DOCK4: variants seen among roughly 807,000 people sequenced by gnomAD.
DOCK4 encodes dedicator of cytokinesis 4, also known as dedicator of cytokinesis protein 4.
In DOCK4, 97 loss-of-function variants were observed where a neutral mutation model predicts 268.1. The ratio of observed to expected loss-of-function variants is 0.36; its 90% confidence interval spans 0.31 to 0.43. The LOEUF is 0.43. Among genes scored for constraint, DOCK4 ranks in the 20% least tolerant of loss-of-function variants. The probability of loss-of-function intolerance (pLI) is 1.00; values close to 1 mark genes in which losing one functional copy is unlikely to be tolerated. For synonymous variants in DOCK4, 954 were observed against 887.2 expected (o/e 1.08, Z -1.34); for missense variants, 2,145 against 2,455.7 (o/e 0.87, Z 2.67).
At chr7:112,204,846 C>T (rs1439966109) in intron 1 of DOCK4, among the ~76,000 whole-genome samples, 1 of 151,440 alleles carries the variant, frequency 6.6e-6, no homozygotes, top group Non-Finnish European at 1.5e-5. Context: ...GATATCTACA[C>T]ATCACCTAAA....
chr7:111,738,264 T>C (rs1795640492), intron 49 of DOCK4, among the ~76,000 whole-genome samples: 1 of 152,174 alleles, frequency 6.6e-6, no homozygotes, highest in Non-Finnish European at 1.5e-5. Context: ...CAAGCTCCCT[T>C]ACTCGCATGA....
chr7:111,986,321 C>A (rs1799051721), intron 6 of DOCK4, among the ~76,000 whole-genome samples: 1 of 152,200 alleles, frequency 6.6e-6, no homozygotes, highest in African/African-American at 2.4e-5. Flanking sequence ...AGAAATTCTG[C>A]AGCCTCAGAA....
At chr7:112,072,336 C>A (rs989090799) in intron 1 of DOCK4, among the ~76,000 whole-genome samples, 1 of 152,168 alleles carries the variant, frequency 6.6e-6, no homozygotes, top group Non-Finnish European at 1.5e-5. Context: ...TACTAAACTA[C>A]ACAAGACATT....
At chr7:112,084,551 T>C (rs1400702229) in intron 1 of DOCK4, among the ~76,000 whole-genome samples, 7 of 152,158 alleles carry the variant, frequency 4.6e-5, no homozygotes, top group African/African-American at 1.7e-4. Context: ...CCTCAGTTAA[T>C]ATACTTTCAT....
At chr7:111,762,762 C>CTTTTTTTTTTTTTTTGTTT (rs1797510109) in intron 39 of DOCK4, among the ~76,000 whole-genome samples, 1 of 63,068 alleles carries the variant, frequency 1.6e-5, no homozygotes, top group Non-Finnish European at 3.0e-5. Flanking sequence ...GTTTTGTTTT[C>CTTTTTTTTTTTTTTTGTTT]TTTTTTTTTT....
At chr7:112,203,221 T>G (rs1021175447) in intron 1 of DOCK4, among the ~76,000 whole-genome samples, 2 of 152,186 alleles carry the variant, frequency 1.3e-5, no homozygotes, top group Non-Finnish European at 2.9e-5. Flanking sequence ...AAGGTGAAAT[T>G]GCCTATCACT....
chr7:112,009,585 T>C (rs1041664256), intron 1 of DOCK4, among the ~76,000 whole-genome samples: 4 of 152,120 alleles, frequency 2.6e-5, no homozygotes, highest in Admixed American at 6.5e-5. Flanking sequence ...AAGGAATTCT[T>C]AGACCTCTGA....
At chr7:112,130,579 T>C (rs375712762) in intron 1 of DOCK4, among the ~76,000 whole-genome samples, 123 of 152,266 alleles carry the variant, frequency 8.1e-4, no homozygotes, top group African/African-American at 2.8e-3. Context: ...ATGATGGATA[T>C]CAAAATCACT....
chr7:111,997,398 A>T (rs1239380413), intron 4 of DOCK4, among the ~76,000 whole-genome samples: 1 of 152,210 alleles, frequency 6.6e-6, no homozygotes, highest in Non-Finnish European at 1.5e-5. Context: ...AGCAGCTCAC[A>T]TATATAAGAC....
At chr7:112,168,902 T>TA (rs772773700) in intron 1 of DOCK4, among the ~76,000 whole-genome samples, 1 of 152,226 alleles carries the variant, frequency 6.6e-6, no homozygotes, top group African/African-American at 2.4e-5. Flanking sequence ...ATGGCCAACT[T>TA]AAAAAATAGT....
chr7:111,851,466 A>AT (rs1804550339), intron 23 of DOCK4, among the ~76,000 whole-genome samples: 1 of 148,210 alleles, frequency 6.7e-6, no homozygotes, highest in South Asian at 2.1e-4. Flanking sequence ...AAAAAAAAAA[A>AT]TTTCTGAAAG....
intron 6 of DOCK4, 30 bp downstream of exon 6, chr7:111,988,985 A>C: frequency 6.3e-7 from 1 of 1,587,266 alleles, no homozygotes; most frequent in South Asian, 1.1e-5. Flanking sequence ...TTCACCTACT[A>C]GAGGCCGCCC....
chr7:112,205,914 G>A (rs1821366726), intron 1 of DOCK4, among the ~76,000 whole-genome samples, 188 bp downstream of exon 1: 1 of 152,170 alleles, frequency 6.6e-6, no homozygotes, highest in South Asian at 2.1e-4. Context: ...CGAGCAGGCG[G>A]TGCGGGGCGA....
At chr7:112,168,076 C>T (rs1382055544) in intron 1 of DOCK4, among the ~76,000 whole-genome samples, 2 of 151,870 alleles carry the variant, frequency 1.3e-5, no homozygotes, top group Non-Finnish European at 1.5e-5. Context: ...TACTAGTACT[C>T]ATAAGTATTT....
intron 1 of DOCK4, among the ~76,000 whole-genome samples, chr7:112,139,598 T>G (rs781244385): frequency 5.3e-5 from 8 of 152,138 alleles, no homozygotes; most frequent in Non-Finnish European, 1.2e-4. Flanking sequence ...AATTAACAAA[T>G]TCAGTGGCAG....
At chr7:111,992,363 T>C (rs929536717) in intron 5 of DOCK4, among the ~76,000 whole-genome samples, 2 of 152,138 alleles carry the variant, frequency 1.3e-5, no homozygotes, top group African/African-American at 4.8e-5. Flanking sequence ...ACCAAAACAT[T>C]TGGCACAAAA....
chr7:111,979,219 C>T (rs1366946595), intron 7 of DOCK4, among the ~76,000 whole-genome samples: 6 of 152,080 alleles, frequency 3.9e-5, no homozygotes, highest in Admixed American at 1.3e-4. Context: ...ACTTTTATTC[C>T]GAACTACTTG....
Position 111,760,215 on chromosome 7 carries a change from C to T in DOCK4, c.4128G>A (p.Gln1376=), listed in dbSNP as rs1458421020. Residue 1376 remains glutamine, a synonymous_variant, in exon 40 of 53, where the codon CAG becomes CAA. Transcript: ENST00000428084. The stretch of plus-strand genomic sequence containing the variant: ...CTGCCTGGAAGATGGTCTCATCGGG[C>T]TGGTTGGCGTGCTGCATGGCGATGG... ...PHAIAMQHAN[Q]PDETIFQAEA... is the part of the protein sequence containing the mutation. 5 of 1,613,862 alleles carry T rather than the reference C, an allele frequency of 3.1e-6. No homozygotes were observed. Among genetic ancestry groups the T allele is most frequent in the Non-Finnish European group, 4.2e-6 (5 of 1,179,900 alleles).
intron 1 of DOCK4, among the ~76,000 whole-genome samples, chr7:112,176,100 T>A (rs959694183): frequency 6.6e-6 from 1 of 152,236 alleles, no homozygotes; most frequent in Non-Finnish European, 1.5e-5. Context: ...AACACCATTA[T>A]TTCAATCATT....
Sources: gnomAD v4.1 joint callset for allele counts (sites outside exome capture counted in the v4.1 genomes callset) on GRCh38, gnomAD v4.1.1 for gene constraint, MANE v1.5 for transcripts, NCBI Gene and HGNC (gene_info 2026-07-23, HGNC 2026-07-21) for gene names.